The following ZNF737 variants were observed in gnomAD, a reference collection of about 807,000 sequenced individuals.
ZNF737 encodes zinc finger protein 737.
In ZNF737, 13 loss-of-function variants were observed where a neutral mutation model predicts 11.7. That is an observed-to-expected ratio of 1.11 (90% confidence interval 0.73 to 1.77). The LOEUF (loss-of-function observed/expected upper bound fraction) is 1.77, where lower values mean the gene tolerates loss of function less well. Ranked by LOEUF, ZNF737 falls within the 40% of genes most tolerant of loss-of-function variation. The pLI is 0.00. For missense variants in ZNF737, 636 were observed against 638.0 expected, an observed-to-expected ratio of 1.00 and a Z score of 0.03; for synonymous variants, 217 against 216.2, an observed-to-expected ratio of 1.00 and a Z score of -0.03.
In ZNF737 at chr19:20,553,796, G is replaced by C; in HGVS notation, c.43C>G (p.Leu15Val). 6.2e-7 allele frequency: 1 copy of C among 1,613,942 alleles called. No individual in the cohort carries two copies. The highest frequency in any genetic ancestry group is 1.1e-5 in the South Asian group (1 of 91,050). Residue 15 changes from leucine to valine, a missense_variant, in exon 2 of 4, where the codon CTG becomes GTG. Transcript: ENST00000427401. ...GTGTCCAGGCAATGCCACTCCTCCAGAGAGAATTCTATGGCCACGTCTCTA... is the reference window on the plus strand; with the variant it reads ...GTGTCCAGGCAATGCCACTCCTCCACAGAGAATTCTATGGCCACGTCTCTA... ...QFRDVAIEFS[L>V]EEWHCLDTAQ... is the part of the protein sequence containing the mutation.
At position 20,540,102 on chromosome 19, in the gene ZNF737, G is replaced by A. The variant is rs1185725283; in HGVS notation, c.*4490C>T. On this transcript the variant is annotated 3_prime_UTR_variant, in exon 4 of 4. Transcript: ENST00000427401. ...AATCCTCTTATGTTCCTTACTGGAA[G>A]CAACATGGAGGAGGCAGAAATGATG... 1.7e-5 allele frequency: 17 copies of A among 985,160 alleles called. No homozygotes were observed. The highest frequency in any genetic ancestry group is 2.0e-5 in the Non-Finnish European group (17 of 829,916). 61.0% of individuals were successfully genotyped at this position (985,160 alleles called of 1,614,324 possible).
In ZNF737 at chr19:20,541,120, A is replaced by C; in HGVS notation, c.*3472T>G. On this transcript the variant is annotated 3_prime_UTR_variant, in exon 4 of 4. Transcript: ENST00000427401. ...ATCACAGGCCAGAACATTTTATATT[A>C]ATAAATTCAATACAAAGCAGAAAGT... 1 of 982,872 alleles carries C rather than the reference A, an allele frequency of 1.0e-6. No individual in the cohort carries two copies. Among genetic ancestry groups the C allele is most frequent in the Non-Finnish European group, 1.2e-6 (1 of 827,604 alleles). 60.9% of individuals were successfully genotyped at this position (982,872 alleles called of 1,614,324 possible). A position where few individuals can be genotyped will look rare whatever the true frequency, so the allele number is the denominator to read the frequency against.
At chr19:20,531,456 A>AGTTT (rs60240387), downstream of ZNF737, among the ~76,000 whole-genome samples, 92,664 of 148,350 alleles carry the variant, frequency 0.62, 31,850 homozygotes, top group African/African-American at 0.82. Context: ...TCATTTTGTT[A>AGTTT]GTTTGTTTTG....
chr19:20,537,511 A>ATTTTTTTT (rs1163609628), downstream of ZNF737, among the ~76,000 whole-genome samples: 26 of 77,094 alleles, frequency 3.4e-4, 1 homozygote, highest in African/African-American at 1.2e-3. Context: ...CTGGTTTTCT[A>ATTTTTTTT]TTTTTTTTTT....
Position 20,544,140 on chromosome 19 carries a change from T to A in ZNF737, c.*452A>T, listed in dbSNP as rs1400714875. ...TGAAACTTCATCTCAAAAAAAAAAATATTGAAAACTTGTTATAGGATTTGC... is the reference window on the plus strand; with the variant it reads ...TGAAACTTCATCTCAAAAAAAAAAAAATTGAAAACTTGTTATAGGATTTGC... On this transcript the variant is annotated 3_prime_UTR_variant, in exon 4 of 4. Transcript: ENST00000427401. 4.0e-6 allele frequency: 4 copies of A among 1,000,108 alleles called. No individual in the cohort carries two copies. Among genetic ancestry groups the A allele is most frequent in the South Asian group, 4.2e-5 (1 of 23,756 alleles). 62.0% of individuals were successfully genotyped at this position (1,000,108 alleles called of 1,614,324 possible).
chr19:20,530,277 T>A, the ZNF737 span, among the ~76,000 whole-genome samples: 4 of 111,150 alleles, frequency 3.6e-5, no homozygotes, highest in East Asian at 3.4e-4. Context: ...GCCCCCCACC[T>A]CCCTCCCGGA....
downstream of ZNF737, chr19:20,536,124 A>G: frequency 1.0e-6 from 1 of 985,102 alleles, no homozygotes; most frequent in Non-Finnish European, 1.2e-6. Flanking sequence ...CTAGTAGGAC[A>G]GCCACTTCTC....
At chr19:20,546,920 C>A (rs1968473296) in intron 3 of ZNF737, among the ~76,000 whole-genome samples, 1 of 152,176 alleles carries the variant, frequency 6.6e-6, no homozygotes, top group Non-Finnish European at 1.5e-5. Flanking sequence ...TAAAATTACA[C>A]ACTGTGTGTT....
rs1480174872 is a variant in ZNF737, at chr19:20,544,652, G to C, written c.1551C>G (p.Gly517=). Residue 517 remains glycine (G), a synonymous_variant, in exon 4 of 4, where the codon GGC becomes GGG. Coordinates refer to ENST00000427401, the MANE Select transcript of ZNF737 (RefSeq NM_001159293.2). ...KPYKCEECGK[G]FKCPSTLTTH... ...TAGTAAGGGTAGAGGGGCACTTAAAGCCTTTGCCACATTCTTCACATTTGT... is the reference window on the plus strand; with the variant it reads ...TAGTAAGGGTAGAGGGGCACTTAAACCCTTTGCCACATTCTTCACATTTGT... 1.9e-6 allele frequency: 3 copies of C among 1,600,244 alleles called. No individual in the cohort carries two copies. The highest frequency in any genetic ancestry group is 2.6e-6 in the Non-Finnish European group (3 of 1,173,476).
Position 20,544,852 on chromosome 19 carries a change from T to G in ZNF737, c.1351A>C (p.Lys451Gln), listed in dbSNP as rs370047349. 1.2e-5 allele frequency: 19 copies of G among 1,613,814 alleles called. No individual in the cohort carries two copies. Among genetic ancestry groups the G allele is most frequent in the Non-Finnish European group, 1.4e-5 (16 of 1,179,910 alleles). ...CCACATTCTTCACATTTGTAGGGTT[T>G]CTCTCCAGTATGAATTCTCTTATGT... is the stretch of plus-strand genomic sequence containing the variant. Reference protein sequence around the residue: ...TTHKRIHTGEKPYKCEECGKA... With the variant: ...TTHKRIHTGEQPYKCEECGKA... The change falls in exon 4 of 4, where the codon AAA becomes CAA. Residue 451 changes from lysine (K) to glutamine (Q), a missense_variant. By Grantham distance (53) the Lys-to-Gln change is moderately conservative. Transcript: ENST00000427401.
rs140554817 is a variant in ZNF737, at chr19:20,564,536, C to T, written c.3+1102G>A. Reference sequence around the variant, plus strand: ...GGCGTGGTGTCGCGTGCCCATAGCCCCAACTACTCCAGAGGCTGAAGCAGA... The same window carrying T: ...GGCGTGGTGTCGCGTGCCCATAGCCTCAACTACTCCAGAGGCTGAAGCAGA... On this transcript the variant is annotated intron_variant, in intron 1 of 3. Coordinates refer to ENST00000427401, the MANE Select transcript of ZNF737 (RefSeq NM_001159293.2). Among the ~76,000 whole-genome samples the T allele has an allele frequency of 2.6e-5, 4 of 152,074 alleles. No homozygotes were observed. The East Asian group carries it at 7.8e-4, about 29-fold the overall frequency.
rs1342987870 is a variant in ZNF737 at position 20,541,283 on chromosome 19, A to C, written c.*3309T>G. 16 of 984,580 alleles carry C rather than the reference A, an allele frequency of 1.6e-5. No individual in the cohort carries two copies. The highest frequency in any genetic ancestry group is 1.9e-5 in the Non-Finnish European group (16 of 829,354). 61.0% of individuals were successfully genotyped at this position (984,580 alleles called of 1,614,324 possible). On this transcript the variant is annotated 3_prime_UTR_variant, in exon 4 of 4. Coordinates refer to ENST00000427401, the MANE Select transcript of ZNF737 (RefSeq NM_001159293.2). ...CTCACACAAAAACACTCAATTCATA[A>C]TTTTCTTACACCTCAGGTTTATCTT... is the stretch of plus-strand genomic sequence containing the variant.
rs371242528 is a variant in ZNF737 at position 20,544,750 on chromosome 19, G to A, written c.1453C>T (p.Arg485Ter). The change falls in exon 4 of 4, where the codon CGA becomes TGA. Residue 485 changes from arginine to a stop codon, truncating the protein, a stop_gained. Coordinates refer to ENST00000427401, the MANE Select transcript of ZNF737 (RefSeq NM_001159293.2). LOFTEE classifies it low-confidence loss of function (END_TRUNC). ...HTGEKPYKCE[R>*]CGKAFKRSFI... is the part of the protein sequence containing the mutation. ...GAGCGCTTAAAAGCCTTGCCACATCGTTCACATTTGTAGGGTTTCTCTCCA... is the reference window on the plus strand; with the variant it reads ...GAGCGCTTAAAAGCCTTGCCACATCATTCACATTTGTAGGGTTTCTCTCCA... The A allele has an allele frequency of 1.5e-4, 223 of 1,534,172 alleles. No homozygotes were observed. In the Middle Eastern group the frequency reaches 4.8e-3, roughly 33 times the overall value.
Position 20,539,434 on chromosome 19 carries a change from GTTTCTTGTT to G in ZNF737, c.*5149_*5157del. 1.0e-6 allele frequency: 1 copy of G among 985,350 alleles called. No individual in the cohort carries two copies. The highest frequency in any genetic ancestry group is 1.2e-6 in the Non-Finnish European group (1 of 829,890). The allele number at this position is 985,350 out of a possible 1,614,324, so 61.0% of individuals were successfully genotyped here. A position where few individuals can be genotyped will look rare whatever the true frequency, so the allele number is the denominator to read the frequency against. The stretch of plus-strand genomic sequence containing the variant: ...TGAGCAAAGCTTAAATCTTGCCTTT[GTTTCTTGTT>G]AGTCATCTGGCCATTTCTGTAAGTA... On this transcript the variant is annotated 3_prime_UTR_variant, in exon 4 of 4. Coordinates refer to ENST00000427401, the MANE Select transcript of ZNF737 (RefSeq NM_001159293.2).
In ZNF737 at chr19:20,539,452, G is replaced by A; in HGVS notation, c.*5140C>T. 15 of 985,370 alleles carry A rather than the reference G, an allele frequency of 1.5e-5. No individual in the cohort carries two copies. Among genetic ancestry groups the A allele is most frequent in the Non-Finnish European group, 1.8e-5 (15 of 829,928 alleles). The allele number at this position is 985,370 out of a possible 1,614,324, so 61.0% of individuals were successfully genotyped here. A position where few individuals can be genotyped will look rare whatever the true frequency, so the allele number is the denominator to read the frequency against. On this transcript the variant is annotated 3_prime_UTR_variant, in exon 4 of 4. Transcript: ENST00000427401. ...TGCCTTTGTTTCTTGTTAGTCATCT[G>A]GCCATTTCTGTAAGTACGGCAATTA...
At chr19:20,563,474 A>T (rs1969179432) in intron 1 of ZNF737, among the ~76,000 whole-genome samples, 1 of 141,206 alleles carries the variant, frequency 7.1e-6, no homozygotes, top group African/African-American at 2.6e-5. Flanking sequence ...TTACATAAGA[A>T]GGAAGTGCTT....
rs782021231 is a variant in ZNF737 at position 20,545,681 on chromosome 19, T to C, written c.522A>G (p.Lys174=). 6.2e-7 allele frequency: 1 copy of C among 1,613,630 alleles called. No individual in the cohort carries two copies. The highest frequency in any genetic ancestry group is 1.3e-5 in the African/African-American group (1 of 75,060). The change falls in exon 4 of 4, where the codon AAA becomes AAG. Residue 174 remains lysine, a synonymous_variant. Coordinates refer to ENST00000427401, the MANE Select transcript of ZNF737 (RefSeq NM_001159293.2). ...KIRHTGKKPF[K]CIECGKAFNQ... ...TAAAAGCTTTGCCACATTCTATACA[T>C]TTGAAAGGTTTTTTTCCAGTATGTC... is the stretch of plus-strand genomic sequence containing the variant.
intron 1 of ZNF737, among the ~76,000 whole-genome samples, chr19:20,557,192 T>C (rs534300936): frequency 3.1e-4 from 47 of 152,272 alleles, no homozygotes; most frequent in African/African-American, 1.1e-3. Flanking sequence ...TAATAGAAGA[T>C]TAAAAAACTA....
At chr19:20,537,453 C>G (rs40041), downstream of ZNF737, among the ~76,000 whole-genome samples, 1 of 147,476 alleles carries the variant, frequency 6.8e-6, no homozygotes, top group African/African-American at 2.5e-5. Context: ...CCACCCGCCT[C>G]GGCCTCCCAA....
Sources: allele counts gnomAD v4.1 joint callset (sites outside exome capture counted in the v4.1 genomes callset), GRCh38; gene constraint gnomAD v4.1.1; transcripts MANE v1.5; gene names NCBI Gene and HGNC (gene_info 2026-07-23, HGNC 2026-07-21).